MARCHF1: variants seen among roughly 807,000 people sequenced by gnomAD.
MARCHF1 encodes the protein E3 ubiquitin-protein ligase MARCHF1.
A neutral mutation model predicts 54.2 loss-of-function variants in MARCHF1; 40 were observed. The ratio of observed to expected loss-of-function variants is 0.74; its 90% CI spans 0.57 to 0.96. The LOEUF (loss-of-function observed/expected upper bound fraction) is 0.96. Ranked by LOEUF, MARCHF1 falls within the 40% of genes least tolerant of loss-of-function variation. MARCHF1 has a pLI of 0.00. For missense variants in MARCHF1, 586 were observed against 656.5 expected, an observed-to-expected ratio of 0.89 and a Z score of 1.17; for synonymous variants, 236 against 236.3, an observed-to-expected ratio of 1.00 and a Z score of 0.01.
Position 163,565,911 on chromosome 4 carries a change from C to G in MARCHF1, c.1191+19838G>C, listed in dbSNP as rs17657254. The stretch of plus-strand genomic sequence containing the variant: ...TTATTAGTTAAATAGAAAACAAAAC[C>G]TGTTAACATATGTGCCCTGTAGTCC... On this transcript the variant is annotated intron_variant, in intron 8 of 9. Transcript: ENST00000514618. 1.5e-3 allele frequency among the ~76,000 whole-genome samples: 234 copies of G among 152,232 alleles called. 1 individual carries two copies. The highest frequency in any genetic ancestry group is 0.011 in the East Asian group (59 of 5,178).
chr4:164,079,054 T>A (rs1425400297), intron 2 of MARCHF1, among the ~76,000 whole-genome samples: 4 of 152,230 alleles, frequency 2.6e-5, no homozygotes, highest in Non-Finnish European at 4.4e-5. Flanking sequence ...TTATGAAGGT[T>A]CAGCATCTTT....
chr4:164,377,093 A>G lies in MARCHF1; in HGVS notation c.-323+6777T>C, dbSNP rs142721897. Among the ~76,000 whole-genome samples, 87 of 152,314 alleles carry G rather than the reference A, an allele frequency of 5.7e-4. 2 individuals are homozygous for G. The East Asian group carries it at 0.011, about 20-fold the overall frequency. ...TCCGACTTCCAATCATTGTGTCCCA[A>G]ATAGTCAGTGATTTCTGGAATATGT... On this transcript the variant is annotated intron_variant, in intron 1 of 9. Coordinates refer to ENST00000514618, the MANE Select transcript of MARCHF1 (RefSeq NM_001394959.1).
At chr4:163,643,623 A>G (rs16853) in intron 5 of MARCHF1, among the ~76,000 whole-genome samples, 9,557 of 152,320 alleles carry the variant, frequency 0.063, 396 homozygotes, top group East Asian at 0.17. Context: ...ACACATTTGT[A>G]TAAGTAAATG....
chr4:163,741,551 G>C (rs1157033464), intron 4 of MARCHF1, among the ~76,000 whole-genome samples: 1 of 150,740 alleles, frequency 6.6e-6, no homozygotes, highest in Non-Finnish European at 1.5e-5. Flanking sequence ...CCACTGCATT[G>C]TAGCCTGGGT....
In MARCHF1 at chr4:163,527,352, G is replaced by T. The variant is rs963197501; in HGVS notation, c.*1396C>A. ...ATCCTGTCAGCTTTTAAAAGTAAGG[G>T]CTAGATTCTTAGTCATAATTACTCA... is the stretch of plus-strand genomic sequence containing the variant. On this transcript the variant is annotated 3_prime_UTR_variant, in exon 10 of 10. Coordinates refer to ENST00000514618, the MANE Select transcript of MARCHF1 (RefSeq NM_001394959.1). The T allele has an allele frequency of 4.6e-5, 7 of 152,006 alleles. No individual in the cohort carries two copies. The highest frequency in any genetic ancestry group is 7.4e-5 in the Non-Finnish European group (5 of 67,936). 9.4% of individuals were successfully genotyped at this position (152,006 alleles called of 1,614,324 possible).
At chr4:163,550,281 C>CAAAAAAAAAAAAA (rs60320461) in intron 8 of MARCHF1, among the ~76,000 whole-genome samples, 1 of 105,140 alleles carries the variant, frequency 9.5e-6, no homozygotes, top group Non-Finnish European at 2.0e-5. Flanking sequence ...GACTCCGTCT[C>CAAAAAAAAAAAAA]AAAAAAAAAA....
chr4:163,954,631 ACTT>A (rs978313101), intron 3 of MARCHF1, among the ~76,000 whole-genome samples: 9 of 152,292 alleles, frequency 5.9e-5, no homozygotes, highest in African/African-American at 1.9e-4. Context: ...GCTATCTCAT[ACTT>A]CTTCATAAAA....
intron 3 of MARCHF1, among the ~76,000 whole-genome samples, chr4:163,944,786 A>G (rs1751992356): frequency 6.6e-6 from 1 of 152,106 alleles, no homozygotes; most frequent in African/African-American, 2.4e-5. Flanking sequence ...CAGAAATCCA[A>G]TTTTCTACGC....
intron 1 of MARCHF1, among the ~76,000 whole-genome samples, chr4:164,270,047 T>A (rs1463334377): frequency 2.0e-5 from 3 of 152,138 alleles, no homozygotes; most frequent in Non-Finnish European, 4.4e-5. Flanking sequence ...CTCATAGTAT[T>A]TATAGTAAAA....
At chr4:163,589,085 A>AC (rs1446357118) in intron 7 of MARCHF1, among the ~76,000 whole-genome samples, 7 of 151,684 alleles carry the variant, frequency 4.6e-5, no homozygotes, top group African/African-American at 1.7e-4. Context: ...AAAAAAAAAA[A>AC]ACTGCAGGTA....
At chr4:164,372,766 G>A (rs1471841907) in intron 1 of MARCHF1, among the ~76,000 whole-genome samples, 2 of 151,708 alleles carry the variant, frequency 1.3e-5, no homozygotes, top group African/African-American at 2.4e-5. Flanking sequence ...AAAGTGATAG[G>A]GTCTCAGTAC....
intron 1 of MARCHF1, among the ~76,000 whole-genome samples, chr4:164,281,669 A>C (rs1419035366): frequency 6.6e-6 from 1 of 152,136 alleles, no homozygotes; most frequent in Non-Finnish European, 1.5e-5. Context: ...CAAGAAAGCT[A>C]AAGGGTCTGG....
chr4:163,742,037 A>C (rs957706707), intron 4 of MARCHF1, among the ~76,000 whole-genome samples: 1 of 152,186 alleles, frequency 6.6e-6, no homozygotes, highest in Non-Finnish European at 1.5e-5. Context: ...GTGTAGAATA[A>C]AGTAGTACAG....
chr4:164,197,780 G>A, intron 1 of MARCHF1: 1 of 1,605,120 alleles, frequency 6.2e-7, no homozygotes, highest in East Asian at 2.2e-5. Flanking sequence ...CGAACCCACG[G>A]CCGCACGTTT....
At chr4:163,978,109 T>A (rs1752684804) in intron 3 of MARCHF1, among the ~76,000 whole-genome samples, 1 of 152,260 alleles carries the variant, frequency 6.6e-6, no homozygotes, top group Middle Eastern at 3.4e-3. Flanking sequence ...TGACACCAAA[T>A]CAGCAAAGAA....
At chr4:163,700,320 C>T (rs1157804151) in intron 5 of MARCHF1, among the ~76,000 whole-genome samples, 1 of 152,072 alleles carries the variant, frequency 6.6e-6, no homozygotes, top group Non-Finnish European at 1.5e-5. Context: ...GCCTGGTCAA[C>T]ATGGCGAAAC....
chr4:164,140,711 C>A (rs751226950), intron 1 of MARCHF1, among the ~76,000 whole-genome samples: 18 of 151,980 alleles, frequency 1.2e-4, no homozygotes, highest in Non-Finnish European at 1.9e-4. Context: ...CAGCAAGCAG[C>A]AGGACCTTGA....
chr4:163,630,986 T>C (rs1169164689), intron 5 of MARCHF1, among the ~76,000 whole-genome samples: 1 of 152,104 alleles, frequency 6.6e-6, no homozygotes, highest in African/African-American at 2.4e-5. Context: ...TTGTATGTTG[T>C]GGAGAGGAAT....
At chr4:163,969,653 A>C (rs1007584223) in intron 3 of MARCHF1, among the ~76,000 whole-genome samples, 11 of 152,250 alleles carry the variant, frequency 7.2e-5, no homozygotes, top group Non-Finnish European at 1.6e-4. Context: ...AGATCAAAAT[A>C]AACGACATGA....
Sources: gnomAD v4.1 joint callset for allele counts (sites outside exome capture counted in the v4.1 genomes callset) on GRCh38, gnomAD v4.1.1 for gene constraint, MANE v1.5 for transcripts, NCBI Gene and HGNC (gene_info 2026-07-23, HGNC 2026-07-21) for gene names.